Variants in SEC24C observed in about 807,000 individuals in gnomAD.
SEC24C encodes SEC24 homolog C, COPII component.
Under a neutral mutation model 117.0 loss-of-function variants are expected in SEC24C, and 22 were observed. The observed-to-expected ratio is 0.19, with a 90% CI of 0.13 to 0.27. The LOEUF (loss-of-function observed/expected upper bound fraction) is 0.27. Ranked by LOEUF, SEC24C falls within the 10% of genes least tolerant of loss-of-function variation. SEC24C has a pLI of 1.00. For missense variants in SEC24C, 1,155 were observed against 1,375.1 expected, an observed-to-expected ratio of 0.84 and a Z score of 2.53; for synonymous variants, 506 against 529.4, an observed-to-expected ratio of 0.96 and a Z score of 0.61.
chr10:73,745,796 C>T (rs557847650), intron 1 of SEC24C, among the ~76,000 whole-genome samples: 6 of 151,970 alleles, frequency 3.9e-5, no homozygotes, highest in African/African-American at 1.2e-4. Context: ...GTGATCTGCC[C>T]GACTTGGCCT....
Position 73,760,406 on chromosome 10 carries a change from T to C in SEC24C, c.850+20T>C. 1 of 1,566,018 alleles carries C rather than the reference T, an allele frequency of 6.4e-7. No homozygotes were observed. The highest frequency in any genetic ancestry group is 8.6e-7 in the Non-Finnish European group (1 of 1,158,660). ...AAAATGGTGAGTCTTTCCCAAGGTC[T>C]GTCTTAGAAGCTAGAGGCTTCAGCT... On this transcript the variant is annotated intron_variant, in intron 5 of 22. Coordinates refer to ENST00000345254, the MANE Select transcript of SEC24C (RefSeq NM_198597.3).
rs375272522 is a variant in SEC24C, at chr10:73,766,174, G to C, written c.1571G>C (p.Cys524Ser). ...AGGACTGGTCTTGTTAGGCTCCTCT[G>C]TGAGGAGCTCAAGTCACTGTTAGAC... The part of the protein sequence containing the change: ...AIRTGLVRLL[C>S]EELKSLLDFL... Residue 524 changes from cysteine to serine, a missense_variant, in exon 11 of 23, where the codon TGT becomes TCT. Physicochemically the swap from Cys to Ser is moderately radical, Grantham distance 112. Around this residue, in one of 2 missense-constraint regions of SEC24C, gnomAD observed 759 missense variants for 992.3 expected, o/e 0.76. Coordinates refer to ENST00000345254, the MANE Select transcript of SEC24C (RefSeq NM_198597.3). The C allele has an allele frequency of 6.0e-5, 97 of 1,613,554 alleles. No individual in the cohort carries two copies. Among genetic ancestry groups the C allele is most frequent in the Non-Finnish European group, 7.5e-5 (89 of 1,179,702 alleles).
rs201547390 is a variant in SEC24C, at chr10:73,767,083, A to G, written c.1923A>G (p.Leu641=). Residue 641 remains leucine (L), a synonymous_variant, in exon 14 of 23, where the codon CTA becomes CTG. Coordinates refer to ENST00000345254, the MANE Select transcript of SEC24C (RefSeq NM_198597.3). The part of the protein sequence containing the change: ...KAAECAGKLF[L]FHTSLPIAEA... Reference sequence around the variant, plus strand: ...CTGAGTGTGCAGGGAAGCTCTTTCTATTCCATACATCCCTGCCCATTGCAG... The same window carrying G: ...CTGAGTGTGCAGGGAAGCTCTTTCTGTTCCATACATCCCTGCCCATTGCAG... The G allele has an allele frequency of 5.9e-5, 95 of 1,614,052 alleles. 1 individual carries two copies. In the Admixed American group the frequency reaches 9.7e-4, roughly 16 times the overall value.
chr10:73,763,719 G>C (rs1449844229), intron 7 of SEC24C, 118 bp downstream of exon 7: 6 of 377,646 alleles, frequency 1.6e-5, no homozygotes, highest in Non-Finnish European at 2.7e-5. Flanking sequence ...CCAGAGACAA[G>C]TTCCCTCTAG....
chr10:73,769,664 C>T lies in SEC24C; in HGVS notation c.2613C>T (p.Leu871=), dbSNP rs368504786. The T allele has an allele frequency of 4.2e-5, 68 of 1,614,060 alleles. No homozygotes were observed. Among genetic ancestry groups the T allele is most frequent in the Admixed American group, 2.2e-4 (13 of 60,004 alleles). ...CTGTGAAGGCTGTTCGTGACACGCTCATCACCCAGTGTGCCCAGATCCTGG... is the reference window on the plus strand; with the variant it reads ...CTGTGAAGGCTGTTCGTGACACGCTTATCACCCAGTGTGCCCAGATCCTGG... ...NSPVKAVRDT[L]ITQCAQILAC... is the part of the protein sequence containing the mutation. The change falls in exon 19 of 23, where the codon CTC becomes CTT. Residue 871 remains leucine (L), a synonymous_variant. Coordinates refer to ENST00000345254, the MANE Select transcript of SEC24C (RefSeq NM_198597.3). The surrounding 1 kb of genome is among the most constrained non-coding windows in gnomAD (Gnocchi z 4.5).
Position 73,771,371 on chromosome 10 carries a change from C to T in SEC24C, c.*276C>T, listed in dbSNP as rs1006541099. ...GCTTCTCAGTTCACTGTATATGATT[C>T]GGTATTGGGGGTTTGGAGGCACCCA... On this transcript the variant is annotated 3_prime_UTR_variant, in exon 23 of 23. Transcript: ENST00000345254. The T allele has an allele frequency of 3.2e-5, 13 of 405,480 alleles. No individual in the cohort carries two copies. The highest frequency in any genetic ancestry group is 1.8e-4 in the South Asian group (6 of 34,002). 25.1% of individuals were successfully genotyped at this position (405,480 alleles called of 1,614,324 possible).
chr10:73,761,835 C>T (rs2082802057), intron 6 of SEC24C, among the ~76,000 whole-genome samples: 1 of 152,052 alleles, frequency 6.6e-6, no homozygotes. Flanking sequence ...CAGCCTCAGC[C>T]CCTCCCTGTG....
In SEC24C at chr10:73,769,296, A is replaced by G. The variant is rs1465193345; in HGVS notation, c.2425-51A>G. ...CTCTTCCAGTTTAATAGTGTAGCAA[A>G]GGGCCTTTGTGAGGGAGGGGTGTGA... On this transcript the variant is annotated intron_variant, in intron 17 of 22. Transcript: ENST00000345254. This position sits in a 1 kb window ranked among gnomAD's most constrained non-coding sequence, Gnocchi z 4.5. 1.2e-6 allele frequency: 2 copies of G among 1,607,206 alleles called. No homozygotes were observed. The highest frequency in any genetic ancestry group is 1.7e-5 in the Admixed American group (1 of 59,250).
rs543778508 is a variant in SEC24C at position 73,745,928 on chromosome 10, A to G, written c.-28-877A>G. On this transcript the variant is annotated intron_variant, in intron 1 of 22. Transcript: ENST00000345254. ...TGTGATCCCAGCACTTTGGGAGGCC[A>G]AGGTGGGTGGATCACGAGGTCAGGA... is the stretch of plus-strand genomic sequence containing the variant. Among the ~76,000 whole-genome samples the G allele has an allele frequency of 9.9e-5, 15 of 151,796 alleles. No homozygotes were observed. In the East Asian group the frequency reaches 3.0e-3, roughly 30 times the overall value.
Position 73,763,857 on chromosome 10 carries a change from G to T in SEC24C, c.1101G>T (p.Gly367=). ...VTTNFLVKDQ[G]NASPRYIRCT... Reference sequence around the variant, plus strand: ...CGGGTCTTCTGCCTCCTTCTTCAGGGAATGCAAGTCCCCGATACATCCGAT... The same window carrying T: ...CGGGTCTTCTGCCTCCTTCTTCAGGTAATGCAAGTCCCCGATACATCCGAT... The change falls in exon 8 of 23, where the codon GGG becomes GGT. Residue 367 remains glycine, a splice_region_variant and synonymous_variant. Coordinates refer to ENST00000345254, the MANE Select transcript of SEC24C (RefSeq NM_198597.3). The T allele has an allele frequency of 2.5e-6, 4 of 1,613,272 alleles. No individual in the cohort carries two copies. Among genetic ancestry groups the T allele is most frequent in the Non-Finnish European group, 3.4e-6 (4 of 1,179,684 alleles).
In SEC24C at chr10:73,751,203, G is replaced by A; in HGVS notation, c.268G>A (p.Asp90Asn). ...TGCATATGGCCAGTTTGGCCAAGGAGATGTACAGAATGGGCCAAGCTCCAC... is the reference window on the plus strand; with the variant it reads ...TGCATATGGCCAGTTTGGCCAAGGAAATGTACAGAATGGGCCAAGCTCCAC... The part of the protein sequence containing the change: ...QAAYGQFGQG[D>N]VQNGPSSTVQ... Residue 90 changes from aspartate to asparagine, a missense_variant, in exon 3 of 23, where the codon GAT (aspartate) becomes AAT (asparagine). Around this residue, in one of 2 missense-constraint regions of SEC24C, gnomAD observed 396 missense variants for 382.8 expected, o/e 1.03. Coordinates refer to ENST00000345254, the MANE Select transcript of SEC24C (RefSeq NM_198597.3). The A allele has an allele frequency of 6.2e-7, 1 of 1,614,224 alleles. No individual in the cohort carries two copies. The highest frequency in any genetic ancestry group is 1.1e-5 in the South Asian group (1 of 91,080).
chr10:73,762,107 G>A (rs1426557602), intron 6 of SEC24C: 2 of 1,289,574 alleles, frequency 1.6e-6, no homozygotes, highest in Non-Finnish European at 2.0e-6. Flanking sequence ...GCAACTCAGT[G>A]AGCTGCCTCC....
rs758279650 is a variant in SEC24C, at chr10:73,766,527, G to A, written c.1785G>A (p.Arg595=). 45 of 1,609,250 alleles carry A rather than the reference G, an allele frequency of 2.8e-5. No homozygotes were observed. Among genetic ancestry groups the A allele is most frequent in the Non-Finnish European group, 2.5e-5 (30 of 1,179,120 alleles). ...TCCTGGTCAACGTCAATGAGTCTCG[G>A]GCAGTTATCACCAGGTAAGAGCCAG... ...DGFLVNVNES[R]AVITSLLDQI... is the part of the protein sequence containing the mutation. The change falls in exon 12 of 23, where the codon CGG becomes CGA. Residue 595 remains arginine (R), a synonymous_variant. Coordinates refer to ENST00000345254, the MANE Select transcript of SEC24C (RefSeq NM_198597.3).
At chr10:73,750,679 G>A (rs2082630387) in intron 2 of SEC24C, among the ~76,000 whole-genome samples, 1 of 152,234 alleles carries the variant, frequency 6.6e-6, no homozygotes, top group Admixed American at 6.5e-5. Flanking sequence ...GCCTTTCTTT[G>A]CAGCCTAGTT....
intron 3 of SEC24C, among the ~76,000 whole-genome samples, chr10:73,756,604 A>T (rs74734141): frequency 2.2e-4 from 32 of 147,130 alleles, no homozygotes; most frequent in African/African-American, 7.2e-4. Flanking sequence ...TCTCAGTAAT[A>T]TTTTTTTTTT....
In SEC24C at chr10:73,759,682, G is replaced by T. The variant is rs1421276956; in HGVS notation, c.369G>T (p.Val123=). 25 of 1,595,558 alleles carry T rather than the reference G, an allele frequency of 1.6e-5. No individual in the cohort carries two copies. Among genetic ancestry groups the T allele is most frequent in the Non-Finnish European group, 2.1e-5 (25 of 1,172,858 alleles). The change falls in exon 4 of 23, where the codon GTG becomes GTT. Residue 123 remains valine (V), a synonymous_variant. Transcript: ENST00000345254. The stretch of plus-strand genomic sequence containing the variant: ...CCCCTGTGGGCAACCAGCCACCTGT[G>T]CTTCAGCCCTATGGCCCTCCCCCGA... The part of the protein sequence containing the change: ...PLAPVGNQPP[V]LQPYGPPPTS...
intron 12 of SEC24C, 76 bp from the exon 13 acceptor site, chr10:73,766,684 C>T: frequency 6.7e-7 from 1 of 1,481,942 alleles, no homozygotes; most frequent in Non-Finnish European, 9.4e-7. Flanking sequence ...CTTGATGACT[C>T]TTCAGGGAAT....
At chr10:73,764,131 AG>A (rs34261734) in intron 8 of SEC24C, 148 bp downstream of exon 8, 2 of 1,101,754 alleles carry the variant, frequency 1.8e-6, no homozygotes, top group African/African-American at 3.2e-5. Context: ...TTTCTATCCC[AG>A]GGCCCATGCC....
chr10:73,771,255 C>G lies in SEC24C; in HGVS notation c.*160C>G. 1.3e-6 allele frequency: 1 copy of G among 764,412 alleles called. No individual in the cohort carries two copies. The highest frequency in any genetic ancestry group is 1.8e-5 in the South Asian group (1 of 54,368). 47.4% of individuals were successfully genotyped at this position (764,412 alleles called of 1,614,324 possible). On this transcript the variant is annotated 3_prime_UTR_variant, in exon 23 of 23. Transcript: ENST00000345254. ...ACACCTTCTTTCTGGGCTCAAGTAT[C>G]CTGCCACTCTGTCATGTCCTGCTGA...
Sources: allele counts gnomAD v4.1 joint callset (sites outside exome capture counted in the v4.1 genomes callset), GRCh38; gene constraint gnomAD v4.1.1; regional missense constraint gnomAD v4.1.1; non-coding constraint Gnocchi (gnomAD v3.1); transcripts MANE v1.5; gene names NCBI Gene and HGNC (gene_info 2026-07-23, HGNC 2026-07-21).